Variants in DPP6 observed in about 807,000 individuals in gnomAD.
The protein encoded by DPP6 is A-type potassium channel modulatory protein DPP6.
A neutral mutation model predicts 122.6 loss-of-function variants in DPP6; 69 were observed. The observed-to-expected ratio is 0.56, with a 90% CI of 0.46 to 0.69. The LOEUF (loss-of-function observed/expected upper bound fraction) is 0.69. Among genes scored for constraint, DPP6 ranks in the 30% least tolerant of loss-of-function variants. DPP6 has a pLI of 0.00. For missense variants in DPP6, 928 were observed against 1,116.9 expected, an observed-to-expected ratio of 0.83 and a Z score of 2.41; for synonymous variants, 418 against 433.1, an observed-to-expected ratio of 0.97 and a Z score of 0.43.
intron 1 of DPP6, among the ~76,000 whole-genome samples, chr7:154,257,794 TC>T (rs545503715): frequency 2.9e-4 from 44 of 152,326 alleles, no homozygotes; most frequent in African/African-American, 1.1e-3. Flanking sequence ...AGGTAATGGT[TC>T]CCACTATTTG....
At chr7:154,562,672 G>T (rs1207820123) in intron 4 of DPP6, among the ~76,000 whole-genome samples, 1 of 152,096 alleles carries the variant, frequency 6.6e-6, no homozygotes, top group Non-Finnish European at 1.5e-5. Flanking sequence ...CAGGAAATAT[G>T]ATTTTGTAGA....
rs142374934 is a variant in DPP6, at chr7:154,853,476, G to C, written c.1667-304G>C. Among the ~76,000 whole-genome samples the C allele has an allele frequency of 2.5e-3, 376 of 152,342 alleles. 2 individuals carry two copies. The highest frequency in any genetic ancestry group is 8.8e-3 in the African/African-American group (364 of 41,578). The stretch of plus-strand genomic sequence containing the variant: ...GTCTGTATGGTAAAAATGATGTTAT[G>C]AGGATATAAACCAAATGTAATGCTT... On this transcript the variant is annotated intron_variant, in intron 16 of 25. Transcript: ENST00000377770.
chr7:154,007,635 A>G (rs1797969247), intron 1 of DPP6, among the ~76,000 whole-genome samples: 1 of 152,166 alleles, frequency 6.6e-6, no homozygotes, highest in South Asian at 2.1e-4. Flanking sequence ...TAGTTAACAT[A>G]TTATTCCAGA....
At chr7:154,582,415 A>G (rs1299979527) in intron 5 of DPP6, among the ~76,000 whole-genome samples, 1 of 152,232 alleles carries the variant, frequency 6.6e-6, no homozygotes, top group African/African-American at 2.4e-5. Flanking sequence ...AGAAGAGGAC[A>G]GAATGCTGCT....
intron 1 of DPP6, among the ~76,000 whole-genome samples, chr7:154,078,359 C>G (rs1323713450): frequency 1.1e-5 from 1 of 92,710 alleles, no homozygotes; most frequent in Non-Finnish European, 2.4e-5. Context: ...TGTACACACA[C>G]ACACACACAC....
At chr7:153,760,741 G>A in the DPP6 span, among the ~76,000 whole-genome samples, 2 of 152,090 alleles carry the variant, frequency 1.3e-5, no homozygotes, top group South Asian at 4.2e-4. Context: ...GTTTGAGAGT[G>A]GCTTATCTGA....
At chr7:154,762,087 A>G (rs147683724) in intron 8 of DPP6, among the ~76,000 whole-genome samples, 42 of 152,290 alleles carry the variant, frequency 2.8e-4, no homozygotes, top group Non-Finnish European at 4.7e-4. Flanking sequence ...TTTGTGAGAA[A>G]TCCAACCCCA....
At chr7:153,845,581 G>A in the DPP6 span, among the ~76,000 whole-genome samples, 1 of 151,460 alleles carries the variant, frequency 6.6e-6, no homozygotes, top group South Asian at 2.1e-4. Context: ...ATTTAACCAT[G>A]ACTGTAATTA....
intron 1 of DPP6, among the ~76,000 whole-genome samples, chr7:154,020,007 A>C (rs984887310): frequency 2.1e-4 from 32 of 152,126 alleles, no homozygotes; most frequent in Non-Finnish European, 8.8e-5. Flanking sequence ...TGCTGCCCAC[A>C]GAACTGTCCA....
chr7:153,977,197 G>GT (rs1563067962), intron 1 of DPP6, among the ~76,000 whole-genome samples: 3 of 82,752 alleles, frequency 3.6e-5, no homozygotes, highest in African/African-American at 1.7e-4. Flanking sequence ...GTACCAATAG[G>GT]GGTGTGTGTG....
intron 4 of DPP6, among the ~76,000 whole-genome samples, chr7:154,543,764 C>T (rs574840824): frequency 5.9e-5 from 9 of 152,144 alleles, no homozygotes; most frequent in African/African-American, 1.4e-4. Context: ...GAGGCCAAGG[C>T]GGGTGGATCA....
chr7:154,891,475 G>A (rs566775320), intron 25 of DPP6, among the ~76,000 whole-genome samples: 2 of 152,198 alleles, frequency 1.3e-5, no homozygotes, highest in South Asian at 2.1e-4. Context: ...CTCCCCACCC[G>A]ACACACCTGG....
At chr7:154,435,680 C>T (rs1391922354) in intron 1 of DPP6, among the ~76,000 whole-genome samples, 1 of 152,154 alleles carries the variant, frequency 6.6e-6, no homozygotes, top group African/African-American at 2.4e-5. Context: ...CATTTGCTGT[C>T]CTCCTGAATA....
intron 3 of DPP6, among the ~76,000 whole-genome samples, chr7:154,515,128 TAG>T (rs1826384750): frequency 6.6e-6 from 1 of 152,194 alleles, no homozygotes; most frequent in African/African-American, 2.4e-5. Context: ...TCAATGGAAA[TAG>T]AGTTATTTCT....
At chr7:154,522,225 G>A (rs1827049257) in intron 3 of DPP6, among the ~76,000 whole-genome samples, 1 of 152,054 alleles carries the variant, frequency 6.6e-6, no homozygotes, top group South Asian at 2.1e-4. Context: ...CCGCCCGCCT[G>A]GGCCTCCCAA....
chr7:154,807,011 A>G lies in DPP6; in HGVS notation c.1565A>G (p.Asn522Ser), dbSNP rs774538369. ...TCTTCCAGTGCCAACACGGTGGGCA[A>G]CTTCAACAGGCAGTGCCTCTCCTGT... ...RQLYSANTVGNFNRQCLSCDL... is the reference protein window; with the variant it reads ...RQLYSANTVGSFNRQCLSCDL... The change falls in exon 16 of 26, where the codon AAC becomes AGC. Residue 522 changes from asparagine (N) to serine (S), a missense_variant. Physicochemically the swap from Asn to Ser is conservative, Grantham distance 46. Transcript: ENST00000377770. The G allele has an allele frequency of 1.9e-5, 30 of 1,613,876 alleles. No homozygotes were observed. In the Admixed American group the frequency reaches 2.5e-4, roughly 13 times the overall value.
At chr7:154,058,762 G>A (rs10249506) in intron 1 of DPP6, 10,543 of 144,204 alleles carry the variant, frequency 0.073, 837 homozygotes, top group African/African-American at 0.18. Context: ...CTTCCCCCCC[G>A]GCTCTGAGGA....
intron 1 of DPP6, among the ~76,000 whole-genome samples, chr7:154,223,553 C>T (rs959593010): frequency 1.3e-5 from 2 of 149,154 alleles, no homozygotes; most frequent in East Asian, 3.9e-4. Context: ...AGCCAAGCCC[C>T]CTGAGGCTCT....
chr7:154,063,520 GA>G (rs1381222299), intron 1 of DPP6, among the ~76,000 whole-genome samples: 1 of 87,076 alleles, frequency 1.1e-5, no homozygotes, highest in African/African-American at 5.6e-5. Flanking sequence ...CCCATCGCAG[GA>G]GGGGGAGGCA....
Sources: allele counts gnomAD v4.1 joint callset (sites outside exome capture counted in the v4.1 genomes callset), GRCh38; gene constraint gnomAD v4.1.1; transcripts MANE v1.5; gene names NCBI Gene and HGNC (gene_info 2026-07-23, HGNC 2026-07-21).